RLF: variants seen among roughly 807,000 people sequenced by gnomAD.
RLF encodes RLF zinc finger, also known as zinc finger protein Rlf.
Under a neutral mutation model 162.9 loss-of-function variants are expected in RLF, and 7 were observed. The observed-to-expected ratio is 0.04, with a 90% CI of 0.02 to 0.08. RLF has a LOEUF of 0.08. RLF is among the 10% of genes least tolerant of loss of function. RLF has a pLI of 1.00. For synonymous variants in RLF, 782 were observed against 791.5 expected (o/e 0.99, Z 0.20); for missense variants, 1,664 against 2,244.7 (o/e 0.74, Z 5.23).
At chr1:40,202,684 T>A in intron 5 of RLF, 70 bp downstream of exon 5, 1 of 929,746 alleles carries the variant, frequency 1.1e-6, no homozygotes. Context: ...TTGCATGGTT[T>A]ATTTTTTCCC....
intron 1 of RLF, among the ~76,000 whole-genome samples, chr1:40,169,959 G>A (rs547197412): frequency 6.6e-6 from 1 of 151,942 alleles, no homozygotes; most frequent in Admixed American, 6.6e-5. Context: ...CAAAGTGCTG[G>A]GATTACAGGC....
chr1:40,235,658 C>G, intron 7 of RLF, 134 bp from the exon 8 acceptor site: 1 of 630,070 alleles, frequency 1.6e-6, no homozygotes, highest in Non-Finnish European at 2.6e-6. Flanking sequence ...CTAAATGTAA[C>G]TTTCATGAAG....
intron 6 of RLF, among the ~76,000 whole-genome samples, chr1:40,226,587 A>T (rs1643081447): frequency 6.6e-6 from 1 of 152,228 alleles, no homozygotes; most frequent in African/African-American, 2.4e-5. Context: ...GTCCTAAGTA[A>T]CTGGCGAAGA....
intron 5 of RLF, among the ~76,000 whole-genome samples, chr1:40,210,557 T>A (rs1642852544): frequency 6.6e-6 from 1 of 152,210 alleles, no homozygotes; most frequent in South Asian, 2.1e-4. Context: ...ATTGCATTAA[T>A]GGTTAGATTT....
At chr1:40,230,753 A>C (rs1010196304) in intron 6 of RLF, among the ~76,000 whole-genome samples, 1 of 152,108 alleles carries the variant, frequency 6.6e-6, no homozygotes. Flanking sequence ...TAGTTTTGCT[A>C]TTAGAAGTGA....
In RLF at chr1:40,182,753, G is replaced by GTAGATAGATAGA. The variant is rs10591738; in HGVS notation, c.238-6273_238-6262dup. 3.8e-3 allele frequency among the ~76,000 whole-genome samples: 560 copies of GTAGATAGATAGA among 148,870 alleles called. 2 individuals carry two copies. The highest frequency in any genetic ancestry group is 7.3e-3 in the Admixed American group (108 of 14,882). ...GAAAAAAGTATAGACAGATAGATAGGTAGATAGATAGATAGATAGATAGAT... is the reference window on the plus strand; with the variant it reads ...GAAAAAAGTATAGACAGATAGATAGGTAGATAGATAGATAGATAGATAGATAGATAGATAGAT... On this transcript the variant is annotated intron_variant, in intron 1 of 7. Transcript: ENST00000372771.
chr1:40,164,475 T>C (rs1281750234), intron 1 of RLF, among the ~76,000 whole-genome samples: 1 of 152,244 alleles, frequency 6.6e-6, no homozygotes, highest in Non-Finnish European at 1.5e-5. Context: ...AAGAAAATGA[T>C]ACTTAGGTCA....
chr1:40,195,865 C>A, intron 4 of RLF, 101 bp downstream of exon 4: 1 of 1,034,992 alleles, frequency 9.7e-7, no homozygotes, highest in Non-Finnish European at 1.4e-6. Flanking sequence ...TATATCTAGT[C>A]TTTCTGTTTT....
At chr1:40,225,575 T>G (rs1643058709) in intron 6 of RLF, among the ~76,000 whole-genome samples, 1 of 94,326 alleles carries the variant, frequency 1.1e-5, no homozygotes, top group African/African-American at 6.2e-5. Context: ...CAAGACTCTG[T>G]CTCAAAAAAA....
intron 5 of RLF, among the ~76,000 whole-genome samples, chr1:40,208,685 G>C (rs755895928): frequency 1.5e-4 from 18 of 119,178 alleles, no homozygotes; most frequent in Non-Finnish European, 2.5e-4. Context: ...GGGCGTGGTG[G>C]CATGTGCCGT....
chr1:40,206,451 C>T (rs939445367), intron 5 of RLF, among the ~76,000 whole-genome samples: 1 of 152,096 alleles, frequency 6.6e-6, no homozygotes, highest in Non-Finnish European at 1.5e-5. Flanking sequence ...AGTTTATATG[C>T]CAAATGCTGT....
chr1:40,173,421 T>G (rs745625880), intron 1 of RLF, among the ~76,000 whole-genome samples: 95 of 152,234 alleles, frequency 6.2e-4, no homozygotes, highest in Non-Finnish European at 1.2e-3. Context: ...CATTTTTTTT[T>G]GTGAGGTTTA....
intron 5 of RLF, among the ~76,000 whole-genome samples, chr1:40,208,663 C>G (rs1363320783): frequency 6.8e-6 from 1 of 147,422 alleles, no homozygotes; most frequent in Middle Eastern, 3.4e-3. Flanking sequence ...AAAAAAAATG[C>G]AGAACTTAGC....
chr1:40,240,185 C>G lies in RLF; in HGVS notation c.5483C>G (p.Pro1828Arg). The change falls in exon 8 of 8, where the codon CCT becomes CGT. Residue 1828 changes from proline to arginine, a missense_variant. By Grantham distance (103) the Pro-to-Arg change is moderately radical. Around this residue, in one of 15 missense-constraint regions of RLF, gnomAD observed 327 missense variants for 342.7 expected, o/e 0.95. Coordinates refer to ENST00000372771, the MANE Select transcript of RLF (RefSeq NM_012421.4). The part of the protein sequence containing the change: ...VNDSEPEVDI[P>R]HSSSDSTIHE... Reference sequence around the variant, plus strand: ...GACAGTGAACCTGAAGTTGACATACCTCATTCTTCCAGTGACTCTACAATT... The same window carrying G: ...GACAGTGAACCTGAAGTTGACATACGTCATTCTTCCAGTGACTCTACAATT... 1.2e-6 allele frequency: 2 copies of G among 1,614,102 alleles called. No individual in the cohort carries two copies. The highest frequency in any genetic ancestry group is 1.7e-6 in the Non-Finnish European group (2 of 1,180,010).
chr1:40,164,480 A>T (rs533405144), intron 1 of RLF, among the ~76,000 whole-genome samples: 1 of 152,240 alleles, frequency 6.6e-6, no homozygotes, highest in Non-Finnish European at 1.5e-5. Context: ...AATGATACTT[A>T]GGTCAAACTG....
chr1:40,209,802 A>T (rs917348316), intron 5 of RLF, among the ~76,000 whole-genome samples: 4 of 151,824 alleles, frequency 2.6e-5, no homozygotes, highest in Non-Finnish European at 5.9e-5. Flanking sequence ...ACTTGAACCC[A>T]GGAGGCAGAG....
intron 6 of RLF, among the ~76,000 whole-genome samples, chr1:40,223,710 T>G (rs1354992355): frequency 6.6e-6 from 1 of 152,226 alleles, no homozygotes; most frequent in Non-Finnish European, 1.5e-5. Context: ...TTTTGTGTAC[T>G]GTAATCTCAC....
intron 5 of RLF, among the ~76,000 whole-genome samples, chr1:40,213,607 G>A (rs1411465171): frequency 6.6e-6 from 1 of 152,194 alleles, no homozygotes; most frequent in Non-Finnish European, 1.5e-5. Context: ...TGAAATGTAA[G>A]TTTGCTAACT....
chr1:40,207,447 TAAG>T (rs764184934), intron 5 of RLF, among the ~76,000 whole-genome samples: 5 of 152,186 alleles, frequency 3.3e-5, no homozygotes, highest in Non-Finnish European at 7.3e-5. Context: ...TTTATAAAAA[TAAG>T]AACCAAGATG....
Sources: gnomAD v4.1 joint callset for allele counts (sites outside exome capture counted in the v4.1 genomes callset) on GRCh38, gnomAD v4.1.1 for gene constraint, gnomAD v4.1.1 regional missense constraint, MANE v1.5 for transcripts, NCBI Gene and HGNC (gene_info 2026-07-23, HGNC 2026-07-21) for gene names.